Variants in CACNA1C observed in about 807,000 individuals in gnomAD.
CACNA1C encodes voltage-dependent L-type calcium channel subunit alpha-1C.
Under a neutral mutation model 229.0 loss-of-function variants are expected in CACNA1C, and 30 were observed. The observed-to-expected ratio is 0.13, with a 90% CI of 0.10 to 0.18. The LOEUF is 0.18. Among genes scored for constraint, CACNA1C ranks in the 10% least tolerant of loss-of-function variants. The pLI, the probability that CACNA1C is intolerant of heterozygous loss-of-function variation, is 1.00. For synonymous variants in CACNA1C, 1,114 were observed against 1,132.5 expected (o/e 0.98, Z 0.33); for missense variants, 1,658 against 2,845.0 (o/e 0.58, Z 9.49).
intron 3 of CACNA1C, among the ~76,000 whole-genome samples, chr12:2,201,474 A>G (rs1245481189): frequency 6.6e-6 from 1 of 152,216 alleles, no homozygotes; most frequent in Non-Finnish European, 1.5e-5. Flanking sequence ...TCCCAGAGAA[A>G]TTCTACATCT....
chr12:2,506,895 G>A (rs559098645), intron 8 of CACNA1C, among the ~76,000 whole-genome samples: 92 of 152,280 alleles, frequency 6.0e-4, no homozygotes, highest in Admixed American at 1.4e-3. Context: ...TGAGGGCTGG[G>A]CCCTGAGGGT....
Position 2,403,545 on chromosome 12 carries a change from C to T in CACNA1C, c.478-45431C>T, listed in dbSNP as rs2098702730. ...TCCTTTCCTTTCTTTTTTTAAAATTCTTTAATTAAACTTTTTTGATTAAGT... is the reference window on the plus strand; with the variant it reads ...TCCTTTCCTTTCTTTTTTTAAAATTTTTTAATTAAACTTTTTTGATTAAGT... On this transcript the variant is annotated intron_variant, in intron 3 of 46. Coordinates refer to ENST00000399655, the MANE Select transcript of CACNA1C (RefSeq NM_000719.7). This position sits in a 1 kb window ranked among gnomAD's most constrained non-coding sequence, Gnocchi z 4.1. Among the ~76,000 whole-genome samples the T allele has an allele frequency of 6.6e-6, 1 of 152,120 alleles. No individual in the cohort carries two copies. Among genetic ancestry groups the T allele is most frequent in the Non-Finnish European group, 1.5e-5 (1 of 68,008 alleles).
chr12:2,028,851 A>C (rs1044793750), intron 1 of CACNA1C, among the ~76,000 whole-genome samples: 1 of 152,246 alleles, frequency 6.6e-6, no homozygotes, highest in Non-Finnish European at 1.5e-5. Context: ...AGTGTGTGGC[A>C]AGTAGTGAAT....
chr12:2,481,953 C>A (rs118033305), intron 5 of CACNA1C, among the ~76,000 whole-genome samples: 10 of 152,410 alleles, frequency 6.6e-5, no homozygotes, highest in Middle Eastern at 3.4e-3. Context: ...CAGCGGTGAG[C>A]ATGGCCTATC....
At chr12:2,224,373 C>T (rs1383670615) in intron 3 of CACNA1C, among the ~76,000 whole-genome samples, 1 of 152,236 alleles carries the variant, frequency 6.6e-6, no homozygotes, top group Admixed American at 6.5e-5. Flanking sequence ...GCTAATCCCC[C>T]TGGCGGAGCC....
chr12:2,583,025 T>A, intron 15 of CACNA1C, 83 bp downstream of exon 15: 2 of 989,912 alleles, frequency 2.0e-6, no homozygotes, highest in Non-Finnish European at 3.1e-6. Context: ...GCCCCTCAGG[T>A]CCGGGCGGTC....
At chr12:2,078,006 G>A (rs183750044) in intron 1 of CACNA1C, among the ~76,000 whole-genome samples, 9 of 152,302 alleles carry the variant, frequency 5.9e-5, no homozygotes, top group African/African-American at 2.2e-4. Flanking sequence ...ATACTGCTGT[G>A]GACTGAATAG....
intron 3 of CACNA1C, among the ~76,000 whole-genome samples, chr12:2,332,427 G>A (rs1462528053): frequency 2.0e-5 from 3 of 152,190 alleles, no homozygotes; most frequent in Non-Finnish European, 4.4e-5. Flanking sequence ...TTGAAGGAGA[G>A]GATGTGAGTG....
chr12:2,508,037 G>A (rs371315859), intron 8 of CACNA1C, among the ~76,000 whole-genome samples: 4 of 152,234 alleles, frequency 2.6e-5, no homozygotes, highest in East Asian at 3.8e-4. Context: ...AGGAAGCTGC[G>A]AAGGCAACCG....
chr12:2,309,356 A>G (rs983477592), intron 3 of CACNA1C, among the ~76,000 whole-genome samples: 8 of 152,316 alleles, frequency 5.3e-5, no homozygotes, highest in African/African-American at 9.6e-5. Context: ...GGAAGAGGTA[A>G]TGGGAGATGG....
At chr12:2,273,408 A>C (rs1420502420) in intron 3 of CACNA1C, among the ~76,000 whole-genome samples, 1 of 152,148 alleles carries the variant, frequency 6.6e-6, no homozygotes, top group Non-Finnish European at 1.5e-5. Context: ...CTCAAAGTGG[A>C]GAGCCCAGGG....
intron 3 of CACNA1C, among the ~76,000 whole-genome samples, chr12:2,347,991 AAC>A (rs1402166196): frequency 1.3e-5 from 2 of 152,340 alleles, no homozygotes; most frequent in African/African-American, 4.8e-5. Flanking sequence ...GACTGTTGGA[AAC>A]AGTCTTTGGT....
intron 3 of CACNA1C, among the ~76,000 whole-genome samples, chr12:2,359,940 C>T (rs2097508274): frequency 1.3e-5 from 2 of 152,096 alleles, no homozygotes; most frequent in African/African-American, 4.8e-5. Context: ...CAGACGAGAG[C>T]AGCACTGGGA....
intron 1 of CACNA1C, among the ~76,000 whole-genome samples, chr12:2,061,171 A>T (rs144386979): frequency 6.7e-6 from 1 of 149,512 alleles, no homozygotes; most frequent in Non-Finnish European, 1.5e-5. Context: ...AATAATCCTT[A>T]GCCAATTCAC....
chr12:2,022,758 G>A (rs186399937), intron 1 of CACNA1C, among the ~76,000 whole-genome samples: 40 of 152,138 alleles, frequency 2.6e-4, no homozygotes, highest in South Asian at 2.1e-4. Context: ...ACTCTTGTTC[G>A]TATCCATTAG....
At chr12:2,662,019 G>T (rs2095772691) in intron 34 of CACNA1C, among the ~76,000 whole-genome samples, 1 of 152,168 alleles carries the variant, frequency 6.6e-6, no homozygotes, top group South Asian at 2.1e-4. Flanking sequence ...AAGGCGGGTG[G>T]ATCACGAGGT....
intron 1 of CACNA1C, among the ~76,000 whole-genome samples, chr12:2,071,149 C>CCTCT (rs1340834746): frequency 2.9e-5 from 1 of 34,558 alleles, no homozygotes; most frequent in African/African-American, 1.4e-4. Flanking sequence ...CTCCTCCCTC[C>CCTCT]CTCCCTCCCT....
intron 3 of CACNA1C, among the ~76,000 whole-genome samples, chr12:2,174,232 A>G (rs1224727364): frequency 1.3e-5 from 2 of 152,112 alleles, no homozygotes; most frequent in Non-Finnish European, 2.9e-5. Context: ...AGACATCACC[A>G]GTGCCTGGGC....
intron 3 of CACNA1C, among the ~76,000 whole-genome samples, chr12:2,209,036 G>A (rs1210534766): frequency 6.6e-6 from 1 of 152,156 alleles, no homozygotes; most frequent in East Asian, 1.9e-4. Context: ...AGAGCCCCGC[G>A]CCAGCTCTCC....
Sources: allele counts gnomAD v4.1 joint callset (sites outside exome capture counted in the v4.1 genomes callset), GRCh38; gene constraint gnomAD v4.1.1; non-coding constraint Gnocchi (gnomAD v3.1); transcripts MANE v1.5; gene names NCBI Gene and HGNC (gene_info 2026-07-23, HGNC 2026-07-21).